The following LRRTM4 variants were observed in gnomAD, a reference collection of about 807,000 sequenced individuals.
LRRTM4 encodes leucine rich repeat transmembrane neuronal 4.
A neutral mutation model predicts 47.6 loss-of-function variants in LRRTM4; 25 were observed. The observed-to-expected ratio is 0.53, with a 90% CI of 0.38 to 0.73. The LOEUF (loss-of-function observed/expected upper bound fraction) is 0.73, where lower values mean the gene tolerates loss of function less well. Ranked by LOEUF, LRRTM4 falls within the 30% of genes least tolerant of loss-of-function variation. LRRTM4 has a pLI of 0.00. For synonymous variants in LRRTM4, 311 were observed against 269.5 expected (o/e 1.15, Z -1.51); for missense variants, 638 against 713.4 (o/e 0.89, Z 1.20).
At chr2:77,075,268 T>TCTACAACTTGTAGATGTA (rs1680294624) in intron 3 of LRRTM4, among the ~76,000 whole-genome samples, 1 of 152,194 alleles carries the variant, frequency 6.6e-6, no homozygotes, top group Non-Finnish European at 1.5e-5. Context: ...ACTAATTATT[T>TCTACAACTTGTAGATGTA]GACTATTATT....
intron 3 of LRRTM4, among the ~76,000 whole-genome samples, chr2:76,886,476 A>C (rs967256343): frequency 6.6e-6 from 1 of 152,102 alleles, no homozygotes; most frequent in Non-Finnish European, 1.5e-5. Flanking sequence ...AACCTTTATA[A>C]AACTGTTCTA....
chr2:77,457,499 T>A (rs1192090475), intron 3 of LRRTM4, among the ~76,000 whole-genome samples: 2 of 152,112 alleles, frequency 1.3e-5, no homozygotes, highest in Admixed American at 6.6e-5. Context: ...CTTCATTTAT[T>A]TTCCATACAG....
intron 3 of LRRTM4, among the ~76,000 whole-genome samples, chr2:77,351,137 A>G (rs1426770116): frequency 1.3e-5 from 2 of 152,104 alleles, no homozygotes; most frequent in Non-Finnish European, 2.9e-5. Flanking sequence ...TGTTATCATC[A>G]TTTAGCTCCC....
At chr2:77,477,765 G>T in intron 3 of LRRTM4, among the ~76,000 whole-genome samples, 1 of 149,676 alleles carries the variant, frequency 6.7e-6, no homozygotes, top group Non-Finnish European at 1.5e-5. Context: ...CTTGAACCCG[G>T]GAGGTAGAGG....
intron 3 of LRRTM4, among the ~76,000 whole-genome samples, chr2:77,515,696 C>T (rs1679180047): frequency 6.6e-6 from 1 of 151,676 alleles, no homozygotes; most frequent in Admixed American, 6.6e-5. Flanking sequence ...GAAAACAATG[C>T]CAAGCTAAAA....
chr2:77,164,058 G>A (rs1246814934), intron 3 of LRRTM4, among the ~76,000 whole-genome samples: 3 of 152,248 alleles, frequency 2.0e-5, no homozygotes, highest in Admixed American at 2.0e-4. Context: ...CTGTATTCAG[G>A]AGACCCATCT....
chr2:76,909,111 A>G (rs1316125930), intron 3 of LRRTM4, among the ~76,000 whole-genome samples: 1 of 152,240 alleles, frequency 6.6e-6, no homozygotes, highest in Non-Finnish European at 1.5e-5. Flanking sequence ...AGGCTACAGT[A>G]ACCAAAACAG....
chr2:77,112,582 G>A (rs1248481233), intron 3 of LRRTM4, among the ~76,000 whole-genome samples: 1 of 146,882 alleles, frequency 6.8e-6, no homozygotes, highest in African/African-American at 2.7e-5. Context: ...ACTTATGAAA[G>A]GTTTAAGCAA....
At position 77,049,135 on chromosome 2, in the gene LRRTM4, T is replaced by TATAC. The variant is rs1553377444; in HGVS notation, c.1552-300220_1552-300219insGTAT. Among the ~76,000 whole-genome samples the TATAC allele has an allele frequency of 2.1e-4, 27 of 127,930 alleles. 1 individual carries two copies. The highest frequency in any genetic ancestry group is 2.0e-3 in the Admixed American group (26 of 13,198). 83.9% of individuals were successfully genotyped at this position (127,930 alleles called of 152,430 possible). The stretch of plus-strand genomic sequence containing the variant: ...ATATTTCATTTTTTATATATATATA[T>TATAC]ATATATATATATATATATATATACA... On this transcript the variant is annotated intron_variant, in intron 3 of 3. Transcript: ENST00000409884.
Position 77,501,868 on chromosome 2 carries a change from G to T in LRRTM4, c.1551+16450C>A, listed in dbSNP as rs138536994. Among the ~76,000 whole-genome samples, 98 of 151,382 alleles carry T rather than the reference G, an allele frequency of 6.5e-4. 1 individual carries two copies. Among genetic ancestry groups the T allele is most frequent in the African/African-American group, 2.2e-3 (91 of 41,462 alleles). On this transcript the variant is annotated intron_variant, in intron 3 of 3. Transcript: ENST00000409884. ...ACATAAGAAATTGCATGTGTCACTA[G>T]TAGTCACAGTGGTGGTGAATATTAA...
At chr2:76,818,337 T>A (rs1670959331) in intron 3 of LRRTM4, among the ~76,000 whole-genome samples, 1 of 151,580 alleles carries the variant, frequency 6.6e-6, no homozygotes. Flanking sequence ...TCTCTCATAA[T>A]AACAAATTTC....
chr2:76,958,426 T>TA (rs1471434850), intron 3 of LRRTM4, among the ~76,000 whole-genome samples: 1 of 151,804 alleles, frequency 6.6e-6, no homozygotes, highest in African/African-American at 2.4e-5. Context: ...CACCCACCCC[T>TA]ACGCAGAGGA....
At chr2:77,171,100 A>T (rs1673036971) in intron 3 of LRRTM4, among the ~76,000 whole-genome samples, 1 of 151,994 alleles carries the variant, frequency 6.6e-6, no homozygotes, top group African/African-American at 2.4e-5. Flanking sequence ...TAATGTTGCT[A>T]TCTTTTGACG....
chr2:76,931,437 G>C (rs1224006426), intron 3 of LRRTM4, among the ~76,000 whole-genome samples: 1 of 152,122 alleles, frequency 6.6e-6, no homozygotes, highest in Non-Finnish European at 1.5e-5. Context: ...GGGTTGTACA[G>C]TCTTCCTTGA....
chr2:76,875,332 T>A (rs892242800), intron 3 of LRRTM4, among the ~76,000 whole-genome samples: 1 of 152,152 alleles, frequency 6.6e-6, no homozygotes, highest in South Asian at 2.1e-4. Flanking sequence ...CCATAATTTC[T>A]CCTTCCTTAA....
At chr2:77,040,490 A>T (rs1343100770) in intron 3 of LRRTM4, among the ~76,000 whole-genome samples, 2 of 151,426 alleles carry the variant, frequency 1.3e-5, no homozygotes, top group African/African-American at 4.8e-5. Flanking sequence ...AGAGAGAGAA[A>T]CAAGGTCATC....
At chr2:76,790,124 G>C (rs1436491966) in intron 3 of LRRTM4, among the ~76,000 whole-genome samples, 2 of 152,136 alleles carry the variant, frequency 1.3e-5, no homozygotes, top group Admixed American at 6.6e-5. Context: ...TTTACTTTTA[G>C]AATTACCAAA....
intron 3 of LRRTM4, among the ~76,000 whole-genome samples, chr2:76,774,144 A>T (rs1391206877): frequency 6.6e-6 from 1 of 151,920 alleles, no homozygotes; most frequent in Non-Finnish European, 1.5e-5. Context: ...TATATGCTGT[A>T]TTCTTACAAT....
At chr2:76,843,150 A>G (rs370990961) in intron 3 of LRRTM4, among the ~76,000 whole-genome samples, 69 of 152,134 alleles carry the variant, frequency 4.5e-4, no homozygotes, top group African/African-American at 1.5e-3. Flanking sequence ...TTGCATGGTT[A>G]GGTAAATTTG....
Sources: gnomAD v4.1 joint callset for allele counts (sites outside exome capture counted in the v4.1 genomes callset) on GRCh38, gnomAD v4.1.1 for gene constraint, MANE v1.5 for transcripts, NCBI Gene and HGNC (gene_info 2026-07-23, HGNC 2026-07-21) for gene names.